Variants in ALDH1L2 observed in about 807,000 individuals in gnomAD.
ALDH1L2 encodes mitochondrial 10-formyltetrahydrofolate dehydrogenase.
ALDH1L2 carries 91 observed loss-of-function variants against 111.0 expected under a neutral mutation model. The ratio of observed to expected loss-of-function variants is 0.82; its 90% CI spans 0.69 to 0.98. The LOEUF (loss-of-function observed/expected upper bound fraction) is 0.98. Ranked by LOEUF, ALDH1L2 falls within the 50% of genes least tolerant of loss-of-function variation. The pLI is 0.00. For missense variants in ALDH1L2, 995 were observed against 1,126.8 expected, an observed-to-expected ratio of 0.88 and a Z score of 1.67; for synonymous variants, 374 against 392.6, an observed-to-expected ratio of 0.95 and a Z score of 0.56.
At position 105,022,576 on chromosome 12, in the gene ALDH1L2, G is replaced by A. The variant is rs540169494; in HGVS notation, c.*1848C>T. On this transcript the variant is annotated 3_prime_UTR_variant, in exon 23 of 23. Transcript: ENST00000258494. Reference sequence around the variant, plus strand: ...CAGTTAAAACATTTCACTTAAAAGTGATTACTTATAAAAAGGCTTTTGTCA... The same window carrying A: ...CAGTTAAAACATTTCACTTAAAAGTAATTACTTATAAAAAGGCTTTTGTCA... 21 of 152,248 alleles carry A rather than the reference G, an allele frequency of 1.4e-4. No homozygotes were observed. Among genetic ancestry groups the A allele is most frequent in the African/African-American group, 4.8e-4 (20 of 41,550 alleles). 9.4% of individuals were successfully genotyped at this position (152,248 alleles called of 1,614,324 possible). A position where few individuals can be genotyped will look rare whatever the true frequency, so the allele number is the denominator to read the frequency against.
intron 21 of ALDH1L2, among the ~76,000 whole-genome samples, chr12:105,027,016 T>C (rs907868858): frequency 6.6e-6 from 1 of 152,176 alleles, no homozygotes; most frequent in African/African-American, 2.4e-5. Context: ...ACTACAGGCA[T>C]GTGCCACCAT....
At chr12:105,061,128 G>A (rs1876973395) in intron 8 of ALDH1L2, 56 bp from the exon 9 acceptor site, 3 of 1,453,612 alleles carry the variant, frequency 2.1e-6, no homozygotes, top group Non-Finnish European at 1.9e-6. Flanking sequence ...ATGTGGCAGA[G>A]ACTGGGCTAG....
intron 7 of ALDH1L2, among the ~76,000 whole-genome samples, chr12:105,062,562 T>G (rs1215179877): frequency 6.6e-6 from 1 of 152,126 alleles, no homozygotes; most frequent in African/African-American, 2.4e-5. Flanking sequence ...AATCTGGCAT[T>G]GGGAAGGCAG....
At chr12:105,051,723 T>A (rs1383696508) in intron 12 of ALDH1L2, among the ~76,000 whole-genome samples, 1 of 152,142 alleles carries the variant, frequency 6.6e-6, no homozygotes, top group Non-Finnish European at 1.5e-5. Context: ...CAGGAATTTT[T>A]AAAATCTTGG....
chr12:105,047,490 T>C (rs144302899), intron 13 of ALDH1L2: 300 of 157,352 alleles, frequency 1.9e-3, no homozygotes, highest in African/African-American at 7.0e-3. Context: ...GTGGTTTTCT[T>C]GAGACCATGA....
At chr12:105,068,936 T>G in intron 3 of ALDH1L2, 52 bp from the exon 4 acceptor site, 1 of 1,373,966 alleles carries the variant, frequency 7.3e-7, no homozygotes, top group Non-Finnish European at 9.6e-7. Context: ...TATCATAAAG[T>G]GATGAATTAG....
At chr12:105,053,843 T>TCTTTA in intron 10 of ALDH1L2, among the ~76,000 whole-genome samples, 1 of 122,278 alleles carries the variant, frequency 8.2e-6, no homozygotes, top group Admixed American at 8.6e-5. Context: ...GTAGATATCA[T>TCTTTA]TATTATATAT....
intron 15 of ALDH1L2, 26 bp from the exon 16 acceptor site, chr12:105,040,720 C>T: frequency 3.1e-6 from 5 of 1,604,482 alleles, no homozygotes; most frequent in Non-Finnish European, 4.3e-6. Context: ...CAGCAATTAC[C>T]TTCTTCAGGC....
intron 10 of ALDH1L2, 23 bp from the exon 11 acceptor site, chr12:105,052,954 T>G (rs1298846328): frequency 6.2e-7 from 1 of 1,610,730 alleles, no homozygotes. Flanking sequence ...TATTAATAGA[T>G]TCAATGGATT....
intron 1 of ALDH1L2, among the ~76,000 whole-genome samples, chr12:105,075,622 T>G (rs1032620137): frequency 6.6e-6 from 1 of 152,170 alleles, no homozygotes; most frequent in Non-Finnish European, 1.5e-5. Flanking sequence ...CATGTCAGTA[T>G]CTTTGGAAAC....
At chr12:105,037,163 C>G (rs963126975) in intron 18 of ALDH1L2, among the ~76,000 whole-genome samples, 2 of 152,192 alleles carry the variant, frequency 1.3e-5, no homozygotes, top group Non-Finnish European at 2.9e-5. Context: ...CGAGCATTGA[C>G]TCATTTTATG....
At chr12:105,034,824 A>C (rs1180769319) in intron 18 of ALDH1L2, among the ~76,000 whole-genome samples, 1 of 152,018 alleles carries the variant, frequency 6.6e-6, no homozygotes, top group Non-Finnish European at 1.5e-5. Flanking sequence ...TCTCCACTAA[A>C]AATACAAAAA....
In ALDH1L2 at chr12:105,070,602, C is replaced by T; in HGVS notation, c.396G>A (p.Leu132=). 1 of 1,613,790 alleles carries T rather than the reference C, an allele frequency of 6.2e-7. No homozygotes were observed. The highest frequency in any genetic ancestry group is 1.1e-5 in the South Asian group (1 of 91,062). The stretch of plus-strand genomic sequence containing the variant: ...TAGCAGAGGCTCCTCTGTGCCTGGG[C>T]AGGATGGATGGGTGATAAATGATAG... ...HGSIIYHPSI[L]PRHRGASAIN... Residue 132 remains leucine (L), a synonymous_variant, in exon 3 of 23, where the codon CTG becomes CTA. Coordinates refer to ENST00000258494, the MANE Select transcript of ALDH1L2 (RefSeq NM_001034173.4).
chr12:105,059,138 T>A lies in ALDH1L2; in HGVS notation c.1140-918A>T, dbSNP rs140295160. Reference sequence around the variant, plus strand: ...AAAAATTAGCTGGGCGTGGTGGCATTTGCTTATAATCCCAGCTACTTGGGA... The same window carrying A: ...AAAAATTAGCTGGGCGTGGTGGCATATGCTTATAATCCCAGCTACTTGGGA... On this transcript the variant is annotated intron_variant, in intron 9 of 22. Transcript: ENST00000258494. Among the ~76,000 whole-genome samples the A allele has an allele frequency of 6.4e-3, 969 of 151,714 alleles. 6 individuals are homozygous for A. Among genetic ancestry groups the A allele is most frequent in the Non-Finnish European group, 0.011 (728 of 67,860 alleles).
Position 105,050,008 on chromosome 12 carries a change from G to A in ALDH1L2, c.1586C>T (p.Ala529Val), listed in dbSNP as rs553214693. 12 of 1,609,766 alleles carry A rather than the reference G, an allele frequency of 7.5e-6. No individual in the cohort carries two copies. In the South Asian group the frequency reaches 7.8e-5, roughly 10 times the overall value. Reference sequence around the variant, plus strand: ...GGTATAGACAGCCCCTGAATCAAGGGCTTCAATAGTTGCCAGCTCTTCTTG... The same window carrying A: ...GGTATAGACAGCCCCTGAATCAAGGACTTCAATAGTTGCCAGCTCTTCTTG... Reference protein sequence around the residue: ...ENQEELATIEALDSGAVYTLA... With the variant: ...ENQEELATIEVLDSGAVYTLA... Residue 529 changes from alanine (A) to valine (V), a missense_variant, in exon 13 of 23, where the codon GCC becomes GTC. Coordinates refer to ENST00000258494, the MANE Select transcript of ALDH1L2 (RefSeq NM_001034173.4).
At chr12:105,030,055 C>T (rs1014110797) in intron 21 of ALDH1L2, 3 of 242,192 alleles carry the variant, frequency 1.2e-5, no homozygotes, top group African/African-American at 2.2e-5. Flanking sequence ...CTTTGTTCCA[C>T]AGACATCTCA....
At chr12:105,064,114 CTTTTTTTTTTTTTTTTTTTTTTTTT>C (rs71069786) in intron 6 of ALDH1L2, among the ~76,000 whole-genome samples, 1 of 35,082 alleles carries the variant, frequency 2.9e-5, no homozygotes, top group Admixed American at 4.2e-4. Context: ...CCACACCGAG[CTTTTTTTTTTTTTTTTTTTTTTTTT>C]TTTTTTTTTT....
chr12:105,046,042 G>GA (rs1262801786), intron 15 of ALDH1L2, among the ~76,000 whole-genome samples: 1 of 150,692 alleles, frequency 6.6e-6, no homozygotes, highest in African/African-American at 2.4e-5. Flanking sequence ...AGATTTTTTT[G>GA]AAAACTACCT....
At chr12:105,056,554 A>G (rs1876641369) in intron 10 of ALDH1L2, among the ~76,000 whole-genome samples, 1 of 152,100 alleles carries the variant, frequency 6.6e-6, no homozygotes, top group South Asian at 2.1e-4. Flanking sequence ...TAAAAATACA[A>G]CTTCATAAAG....
Sources: gnomAD v4.1 joint callset for allele counts (sites outside exome capture counted in the v4.1 genomes callset) on GRCh38, gnomAD v4.1.1 for gene constraint, MANE v1.5 for transcripts, NCBI Gene and HGNC (gene_info 2026-07-23, HGNC 2026-07-21) for gene names.